ARHGEF10L: variants seen among roughly 807,000 people sequenced by gnomAD.
ARHGEF10L encodes Rho guanine nucleotide exchange factor 10 like, also known as rho guanine nucleotide exchange factor 10-like protein.
ARHGEF10L carries 69 observed loss-of-function variants against 141.2 expected under a neutral mutation model. That is an observed-to-expected ratio of 0.49 (90% confidence interval 0.40 to 0.60). The LOEUF (loss-of-function observed/expected upper bound fraction) is 0.60. ARHGEF10L is among the 20% of genes least tolerant of loss of function. ARHGEF10L has a pLI of 0.00. For missense variants in ARHGEF10L, 1,482 were observed against 1,734.3 expected, an observed-to-expected ratio of 0.85 and a Z score of 2.58; for synonymous variants, 711 against 718.5, an observed-to-expected ratio of 0.99 and a Z score of 0.17.
At chr1:17,653,283 C>T (rs977085139) in intron 22 of ARHGEF10L, among the ~76,000 whole-genome samples, 2 of 152,194 alleles carry the variant, frequency 1.3e-5, no homozygotes. Flanking sequence ...GCTTCGTGCT[C>T]CCCTCCTCTC....
the ARHGEF10L span, among the ~76,000 whole-genome samples, chr1:17,518,802 CAAAAAAAAAA>C: frequency 1.3e-4 from 13 of 99,876 alleles, no homozygotes; most frequent in South Asian, 4.7e-3. Context: ...GATTCTGTCT[CAAAAAAAAAA>C]AAAAAAAAAA....
At chr1:17,670,147 G>T (rs2063229407) in intron 26 of ARHGEF10L, among the ~76,000 whole-genome samples, 1 of 152,278 alleles carries the variant, frequency 6.6e-6, no homozygotes, top group South Asian at 2.1e-4. Context: ...GCCTCCAAGG[G>T]TGGGGCGCCT....
chr1:17,533,553 C>A, the ARHGEF10L span, among the ~76,000 whole-genome samples: 1 of 152,154 alleles, frequency 6.6e-6, no homozygotes, highest in Non-Finnish European at 1.5e-5. Flanking sequence ...CGTAAAGGAG[C>A]AGCTCAGGGA....
At chr1:17,516,710 A>G in the ARHGEF10L span, among the ~76,000 whole-genome samples, 1 of 152,098 alleles carries the variant, frequency 6.6e-6, no homozygotes. Context: ...AGGGGGTGGG[A>G]GGGGGCAGCA....
the ARHGEF10L span, among the ~76,000 whole-genome samples, chr1:17,531,460 G>T: frequency 1.3e-5 from 2 of 152,340 alleles, no homozygotes; most frequent in South Asian, 4.1e-4. Flanking sequence ...CACATGGTCT[G>T]GGGGAAGGAG....
chr1:17,549,477 G>A (rs1295126729), intron 1 of ARHGEF10L, among the ~76,000 whole-genome samples: 1 of 152,124 alleles, frequency 6.6e-6, no homozygotes, highest in Non-Finnish European at 1.5e-5. Context: ...TGGGGGTGGG[G>A]GTACAGGATT....
At position 17,607,217 on chromosome 1, in the gene ARHGEF10L, G is replaced by A. The variant is rs1214375378; in HGVS notation, c.434-585G>A. 6.6e-6 allele frequency among the ~76,000 whole-genome samples: 1 copy of A among 152,220 alleles called. No homozygotes were observed. Among genetic ancestry groups the A allele is most frequent in the Non-Finnish European group, 1.5e-5 (1 of 68,034 alleles). On this transcript the variant is annotated intron_variant, in intron 6 of 28. Coordinates refer to ENST00000361221, the MANE Select transcript of ARHGEF10L (RefSeq NM_018125.4). This position sits in a 1 kb window ranked among gnomAD's most constrained non-coding sequence, Gnocchi z 4.5. Reference sequence around the variant, plus strand: ...CGGCTGGGTGTGGTGGCTCACGCCTGTAACCCTGGCACTTTGGGAGGCCGT... The same window carrying A: ...CGGCTGGGTGTGGTGGCTCACGCCTATAACCCTGGCACTTTGGGAGGCCGT...
intron 26 of ARHGEF10L, among the ~76,000 whole-genome samples, chr1:17,682,616 G>A (rs936188667): frequency 6.6e-6 from 1 of 152,150 alleles, no homozygotes; most frequent in Admixed American, 6.5e-5. Flanking sequence ...GTTTGCAGAC[G>A]GCTGCTCTAG....
In ARHGEF10L at chr1:17,627,177, C is replaced by T. The variant is rs1232354475; in HGVS notation, c.1411-153C>T. Among the ~76,000 whole-genome samples, 1 of 152,246 alleles carries T rather than the reference C, an allele frequency of 6.6e-6. No homozygotes were observed. Among genetic ancestry groups the T allele is most frequent in the African/African-American group, 2.4e-5 (1 of 41,468 alleles). ...TCATGCATTAGCTGTTTCTTGAGGT[C>T]TTGTTCTGCATCTGGTGCCATCTGT... On this transcript the variant is annotated intron_variant, in intron 14 of 28. Transcript: ENST00000361221. This position sits in a 1 kb window ranked among gnomAD's most constrained non-coding sequence, Gnocchi z 4.0.
intron 1 of ARHGEF10L, among the ~76,000 whole-genome samples, chr1:17,554,710 G>A (rs751170896): frequency 9.9e-5 from 15 of 151,000 alleles, no homozygotes; most frequent in Admixed American, 6.6e-4. Flanking sequence ...CCACCTCAGC[G>A]TACCGAGTAA....
At chr1:17,575,855 C>A (rs949397841) in intron 1 of ARHGEF10L, among the ~76,000 whole-genome samples, 7 of 152,292 alleles carry the variant, frequency 4.6e-5, no homozygotes, top group African/African-American at 1.7e-4. Context: ...TCCCCCCATT[C>A]CCCACCTTCT....
At chr1:17,538,087 A>G (rs555936711), upstream of ARHGEF10L, among the ~76,000 whole-genome samples, 3 of 152,208 alleles carry the variant, frequency 2.0e-5, no homozygotes, top group South Asian at 6.2e-4. Flanking sequence ...AAGAAAGAAA[A>G]AAAACATAGC....
intron 7 of ARHGEF10L, among the ~76,000 whole-genome samples, chr1:17,611,664 C>G (rs1279005383): frequency 3.9e-5 from 6 of 152,040 alleles, no homozygotes; most frequent in African/African-American, 1.2e-4. Flanking sequence ...ACTTAATAAG[C>G]TCTGGGCTTT....
rs751189178 is a variant in ARHGEF10L, at chr1:17,557,364, AC to A, written c.-44+17416del. Among the ~76,000 whole-genome samples, 662 of 151,796 alleles carry A rather than the reference AC, an allele frequency of 4.4e-3. 3 individuals are homozygous for A. The highest frequency in any genetic ancestry group is 7.0e-3 in the Non-Finnish European group (475 of 67,916). ...TCTCAAAAAAAAAAAAACAAAAAAA[AC>A]CAAAAAAAACAAAAAGAAAATGCGT... is the stretch of plus-strand genomic sequence containing the variant. On this transcript the variant is annotated intron_variant, in intron 1 of 28. Transcript: ENST00000361221.
chr1:17,616,011 C>A, intron 8 of ARHGEF10L, 83 bp from the exon 9 acceptor site: 2 of 1,183,176 alleles, frequency 1.7e-6, no homozygotes, highest in Non-Finnish European at 2.5e-6. Context: ...CTCTGCAGGC[C>A]GAGGCCTGGG....
the ARHGEF10L span, among the ~76,000 whole-genome samples, chr1:17,521,184 CTGTTT>C: frequency 1.8e-4 from 27 of 152,210 alleles, no homozygotes; most frequent in African/African-American, 5.1e-4. Flanking sequence ...GGAGAGCTCA[CTGTTT>C]TGTTTTGTTT....
intron 4 of ARHGEF10L, among the ~76,000 whole-genome samples, chr1:17,589,442 A>G (rs945991130): frequency 6.6e-6 from 1 of 152,202 alleles, no homozygotes; most frequent in African/African-American, 2.4e-5. Flanking sequence ...GAGGGGAGGC[A>G]TGTCTGAGCC....
chr1:17,576,809 G>A (rs2078243225), intron 1 of ARHGEF10L, among the ~76,000 whole-genome samples: 1 of 152,188 alleles, frequency 6.6e-6, no homozygotes. Context: ...TGTGGCAAGT[G>A]GCAGAGCTGG....
chr1:17,602,231 T>C lies in ARHGEF10L; in HGVS notation c.349+13T>C, dbSNP rs1302634527. On this transcript the variant is annotated intron_variant, in intron 5 of 28. Transcript: ENST00000361221. The stretch of plus-strand genomic sequence containing the variant: ...AGTTCCCGTCGCAGTAAGTCTCCCC[T>C]CCGGCCCACCGCCCACCCCAGGTAG... 2.6e-6 allele frequency: 4 copies of C among 1,557,408 alleles called. No homozygotes were observed. Among genetic ancestry groups the C allele is most frequent in the Admixed American group, 1.9e-5 (1 of 52,128 alleles).
Sources: allele counts gnomAD v4.1 joint callset (sites outside exome capture counted in the v4.1 genomes callset), GRCh38; gene constraint gnomAD v4.1.1; non-coding constraint Gnocchi (gnomAD v3.1); transcripts MANE v1.5; gene names NCBI Gene and HGNC (gene_info 2026-07-23, HGNC 2026-07-21).